SAMD5: variants seen among roughly 807,000 people sequenced by gnomAD.
SAMD5 encodes sterile alpha motif domain containing 5.
In SAMD5, 13 loss-of-function variants were observed where a neutral mutation model predicts 11.3. That is an observed-to-expected ratio of 1.15 (90% CI 0.75 to 1.83). SAMD5 has a LOEUF of 1.83. Ranked by LOEUF, SAMD5 falls within the 40% of genes most tolerant of loss-of-function variation. SAMD5 has a pLI of 0.00. For missense variants in SAMD5, 255 were observed against 239.1 expected (o/e 1.07, Z -0.44); for synonymous variants, 129 against 111.3 (o/e 1.16, Z -1.00).
At chr6:147,826,905 G>A in the SAMD5 span, among the ~76,000 whole-genome samples, 1 of 152,082 alleles carries the variant, frequency 6.6e-6, no homozygotes, top group African/African-American at 2.4e-5. Flanking sequence ...TGCAGCAGTG[G>A]GTTTTGCAGC....
At chr6:147,660,022 G>C (rs1355549507) in intron 1 of SAMD5, among the ~76,000 whole-genome samples, 2 of 152,160 alleles carry the variant, frequency 1.3e-5, no homozygotes, top group Non-Finnish European at 2.9e-5. Flanking sequence ...GGAGCACCCT[G>C]ACCGAAGACA....
chr6:147,644,992 C>T (rs376854126), intron 1 of SAMD5, among the ~76,000 whole-genome samples: 2 of 152,258 alleles, frequency 1.3e-5, no homozygotes, highest in East Asian at 3.9e-4. Flanking sequence ...GGTCAGGATG[C>T]TCACAGATAG....
intron 1 of SAMD5, among the ~76,000 whole-genome samples, chr6:147,607,335 A>G (rs555171091): frequency 6.6e-6 from 1 of 152,318 alleles, no homozygotes; most frequent in South Asian, 2.1e-4. Context: ...AAAAAATCCT[A>G]AAATTTACAT....
intron 1 of SAMD5, among the ~76,000 whole-genome samples, chr6:147,724,930 A>C (rs1185506495): frequency 6.6e-6 from 1 of 152,112 alleles, no homozygotes; most frequent in East Asian, 1.9e-4. Context: ...AAACAAAAAA[A>C]AACTAGCTAA....
At chr6:147,869,237 G>T in the SAMD5 span, among the ~76,000 whole-genome samples, 5 of 152,208 alleles carry the variant, frequency 3.3e-5, no homozygotes, top group African/African-American at 4.8e-5. Context: ...AGATGAAGGG[G>T]TCCCCTCTGA....
At chr6:147,872,269 C>A in the SAMD5 span, among the ~76,000 whole-genome samples, 1 of 151,752 alleles carries the variant, frequency 6.6e-6, no homozygotes, top group East Asian at 1.9e-4. Flanking sequence ...CCATGCCTGG[C>A]TGTTTTTTTT....
chr6:147,922,289 T>C, the SAMD5 span, among the ~76,000 whole-genome samples: 3 of 152,124 alleles, frequency 2.0e-5, no homozygotes, highest in Non-Finnish European at 2.9e-5. Context: ...GATCTGACAA[T>C]ATCTGGTACA....
Position 147,567,284 on chromosome 6 carries a change from T to A in SAMD5, c.*2828T>A. ...CAACAAAGGATAGTAGTTTCTCAAC[T>A]GGGAGCATACGAGCAATTTCTCAGT... On this transcript the variant is annotated 3_prime_UTR_variant, in exon 2 of 2. Transcript: ENST00000367474. 2.0e-6 allele frequency: 2 copies of A among 985,330 alleles called. No homozygotes were observed. The highest frequency in any genetic ancestry group is 2.4e-6 in the Non-Finnish European group (2 of 829,820). The allele number at this position is 985,330 out of a possible 1,614,324, so 61.0% of individuals were successfully genotyped here. A position where few individuals can be genotyped will look rare whatever the true frequency, so the allele number is the denominator to read the frequency against.
At chr6:147,689,019 T>C (rs1791060868) in intron 1 of SAMD5, among the ~76,000 whole-genome samples, 2 of 152,168 alleles carry the variant, frequency 1.3e-5, no homozygotes, top group Non-Finnish European at 2.9e-5. Flanking sequence ...AGTGGAAGTA[T>C]GTGTTTCTCT....
chr6:147,845,107 A>G, the SAMD5 span, among the ~76,000 whole-genome samples: 1 of 152,168 alleles, frequency 6.6e-6, no homozygotes, highest in Non-Finnish European at 1.5e-5. Flanking sequence ...CCCCGTAAAT[A>G]TACAATTATT....
At chr6:147,516,406 G>C (rs1788171321) in intron 1 of SAMD5, among the ~76,000 whole-genome samples, 1 of 152,152 alleles carries the variant, frequency 6.6e-6, no homozygotes, top group African/African-American at 2.4e-5. Flanking sequence ...TCGAGTCCCA[G>C]CTCTGCTCCA....
intron 1 of SAMD5, among the ~76,000 whole-genome samples, chr6:147,544,123 G>A (rs1202642591): frequency 6.6e-6 from 1 of 152,254 alleles, no homozygotes; most frequent in East Asian, 1.9e-4. Flanking sequence ...CAACAGACAA[G>A]TTAATGTCAA....
intron 1 of SAMD5, among the ~76,000 whole-genome samples, chr6:147,588,973 T>G (rs1428989983): frequency 1.3e-5 from 2 of 151,982 alleles, no homozygotes; most frequent in African/African-American, 4.8e-5. Flanking sequence ...TTATTATTAT[T>G]ATGAGATGAG....
the SAMD5 span, among the ~76,000 whole-genome samples, chr6:147,858,779 T>A: frequency 6.6e-6 from 1 of 152,210 alleles, no homozygotes; most frequent in Admixed American, 6.5e-5. Flanking sequence ...CTTCTCATGC[T>A]TAACAAGGAA....
intron 1 of SAMD5, among the ~76,000 whole-genome samples, chr6:147,710,816 T>TC (rs11453884): frequency 0.76 from 115,714 of 151,792 alleles, 44,902 homozygotes; most frequent in African/African-American, 0.89. Flanking sequence ...TTGGAATGTA[T>TC]CCCCCCTGGA....
the SAMD5 span, among the ~76,000 whole-genome samples, chr6:147,906,669 G>A: frequency 2.5e-3 from 377 of 152,264 alleles, 7 homozygotes; most frequent in South Asian, 0.013. Flanking sequence ...AGGAATCAGT[G>A]CTCAGTGAGG....
chr6:147,754,852 T>TA, the SAMD5 span, among the ~76,000 whole-genome samples: 1 of 152,122 alleles, frequency 6.6e-6, no homozygotes, highest in Non-Finnish European at 1.5e-5. Flanking sequence ...GACACCTTTA[T>TA]AAAAAATGAG....
chr6:147,674,704 G>T (rs1790840090), intron 1 of SAMD5, among the ~76,000 whole-genome samples: 1 of 152,128 alleles, frequency 6.6e-6, no homozygotes, highest in South Asian at 2.1e-4. Flanking sequence ...TCATTCTCTT[G>T]TTATTTTTCG....
At chr6:147,824,778 A>G in the SAMD5 span, among the ~76,000 whole-genome samples, 1 of 152,168 alleles carries the variant, frequency 6.6e-6, no homozygotes, top group Non-Finnish European at 1.5e-5. Context: ...GTAAACTAAG[A>G]TTGTTTGTTA....
Sources: allele counts gnomAD v4.1 joint callset (sites outside exome capture counted in the v4.1 genomes callset), GRCh38; gene constraint gnomAD v4.1.1; transcripts MANE v1.5; gene names NCBI Gene and HGNC (gene_info 2026-07-23, HGNC 2026-07-21).